CADPS2: variants seen among roughly 807,000 people sequenced by gnomAD.
CADPS2 encodes the protein calcium-dependent secretion activator 2.
CADPS2 carries 93 observed loss-of-function variants against 172.5 expected under a neutral mutation model. The observed-to-expected ratio is 0.54, with a 90% CI of 0.46 to 0.64. CADPS2 has a LOEUF of 0.64. Among genes scored for constraint, CADPS2 ranks in the 30% least tolerant of loss-of-function variants. The probability of loss-of-function intolerance (pLI) is 0.00; values close to 1 mark genes in which losing one functional copy is unlikely to be tolerated. For missense variants in CADPS2, 1,420 were observed against 1,565.9 expected (o/e 0.91, Z 1.57); for synonymous variants, 546 against 555.2 (o/e 0.98, Z 0.23).
rs1415580723 is a variant in CADPS2 at position 122,886,355 on chromosome 7, GC to G, written c.-19del. The stretch of plus-strand genomic sequence containing the variant: ...TCCAGCATGGTGCTCGGGGATCCCC[GC>G]CGCTCGGCCCGCGGTCCCCAAGCGC... On this transcript the variant is annotated 5_prime_UTR_variant, in exon 1 of 30. Coordinates refer to ENST00000449022, the MANE Select transcript of CADPS2 (RefSeq NM_017954.11). 1 of 1,489,066 alleles carries G rather than the reference GC, an allele frequency of 6.7e-7. No homozygotes were observed. Among genetic ancestry groups the G allele is most frequent in the Admixed American group, 2.3e-5 (1 of 43,806 alleles). 92.2% of individuals were successfully genotyped at this position (1,489,066 alleles called of 1,614,324 possible).
chr7:122,324,487 C>T (rs2033392691), intron 29 of CADPS2, among the ~76,000 whole-genome samples: 1 of 152,080 alleles, frequency 6.6e-6, no homozygotes, highest in Admixed American at 6.5e-5. Flanking sequence ...GGGTTCCACC[C>T]TCGGAATTTC....
intron 6 of CADPS2, among the ~76,000 whole-genome samples, chr7:122,602,198 A>G (rs902251248): frequency 1.5e-4 from 9 of 61,364 alleles, no homozygotes; most frequent in African/African-American, 7.9e-4. Context: ...AAATTAAGGA[A>G]AAAAAAAAAG....
At chr7:122,336,871 T>C (rs900300083) in intron 28 of CADPS2, among the ~76,000 whole-genome samples, 1 of 152,210 alleles carries the variant, frequency 6.6e-6, no homozygotes, top group African/African-American at 2.4e-5. Context: ...ATTTCTTTTT[T>C]TAATTCTGAG....
At chr7:122,879,048 C>T (rs1301594002) in intron 1 of CADPS2, among the ~76,000 whole-genome samples, 1 of 151,874 alleles carries the variant, frequency 6.6e-6, no homozygotes, top group Non-Finnish European at 1.5e-5. Flanking sequence ...CCAGCCTGGC[C>T]AACATGGAAA....
intron 8 of CADPS2, among the ~76,000 whole-genome samples, chr7:122,544,501 G>C (rs576339282): frequency 1.3e-5 from 2 of 152,186 alleles, no homozygotes; most frequent in South Asian, 4.2e-4. Context: ...CCTGAGCTGG[G>C]CAGGCCATGA....
intron 9 of CADPS2, among the ~76,000 whole-genome samples, chr7:122,498,686 T>C (rs1775670134): frequency 6.6e-6 from 1 of 152,182 alleles, no homozygotes; most frequent in African/African-American, 2.4e-5. Flanking sequence ...TTTTGAAGTT[T>C]TGGAAGTTCT....
At chr7:122,670,770 G>A (rs2081747088) in intron 2 of CADPS2, among the ~76,000 whole-genome samples, 1 of 151,622 alleles carries the variant, frequency 6.6e-6, no homozygotes, top group Admixed American at 6.6e-5. Context: ...CAAAGTGCTG[G>A]GATTACAGGT....
At chr7:122,850,564 A>G (rs1813287402) in intron 1 of CADPS2, among the ~76,000 whole-genome samples, 1 of 152,154 alleles carries the variant, frequency 6.6e-6, no homozygotes, top group Non-Finnish European at 1.5e-5. Flanking sequence ...GTGCTTAAGC[A>G]GAAGTATTAA....
chr7:122,508,449 G>GTTTTTTTTTT (rs1205155217), intron 9 of CADPS2, among the ~76,000 whole-genome samples: 17 of 68,418 alleles, frequency 2.5e-4, no homozygotes, highest in Non-Finnish European at 3.6e-4. Flanking sequence ...ATTCATTTAA[G>GTTTTTTTTTT]TTTTTTTTTT....
chr7:122,478,482 T>C (rs1020392977), intron 12 of CADPS2, among the ~76,000 whole-genome samples: 2 of 152,214 alleles, frequency 1.3e-5, no homozygotes, highest in Non-Finnish European at 2.9e-5. Flanking sequence ...TAGGTGGTAC[T>C]GTCACCAGGT....
rs546142395 is a variant in CADPS2 at position 122,589,585 on chromosome 7, G to A, written c.1224-8295C>T. Among the ~76,000 whole-genome samples, 12 of 151,952 alleles carry A rather than the reference G, an allele frequency of 7.9e-5. 1 individual carries two copies. The highest frequency in any genetic ancestry group is 7.2e-4 in the Admixed American group (11 of 15,210). On this transcript the variant is annotated intron_variant, in intron 6 of 29. Transcript: ENST00000449022. Reference sequence around the variant, plus strand: ...AGCCAAAGACTCAGTGAAAAATGACGAAGATAAGTAAGTTTTCATGGGAAC... The same window carrying A: ...AGCCAAAGACTCAGTGAAAAATGACAAAGATAAGTAAGTTTTCATGGGAAC...
At chr7:122,450,521 C>CTTTTT (rs11422329) in intron 15 of CADPS2, among the ~76,000 whole-genome samples, 6 of 79,130 alleles carry the variant, frequency 7.6e-5, no homozygotes, top group East Asian at 4.3e-4. Flanking sequence ...TATTGGTGGC[C>CTTTTT]TTTTTTTTTT....
intron 6 of CADPS2, among the ~76,000 whole-genome samples, chr7:122,605,294 C>T (rs2073363177): frequency 6.6e-6 from 1 of 151,976 alleles, no homozygotes; most frequent in African/African-American, 2.4e-5. Context: ...TTAGGCTACA[C>T]TGAACTAGTA....
At position 122,438,428 on chromosome 7, in the gene CADPS2, C is replaced by T. The variant is rs1457374059; in HGVS notation, c.2389G>A (p.Glu797Lys). ...TTTCTGACCACTTTCTTCACCTCTT[C>T]TGCTGGTATGGGAGTGGCAATATCT... is the stretch of plus-strand genomic sequence containing the variant. Reference protein sequence around the residue: ...MKDIATPIPAEEVKKVVRKCL... With the variant: ...MKDIATPIPAKEVKKVVRKCL... Residue 797 changes from glutamate to lysine, a missense_variant, in exon 17 of 30, where the codon GAA becomes AAA. Physicochemically the swap from Glu to Lys is moderately conservative, Grantham distance 56 (BLOSUM62 1). Coordinates refer to ENST00000449022, the MANE Select transcript of CADPS2 (RefSeq NM_017954.11). 1 of 1,613,064 alleles carries T rather than the reference C, an allele frequency of 6.2e-7. No individual in the cohort carries two copies. The highest frequency in any genetic ancestry group is 1.7e-5 in the Admixed American group (1 of 59,886).
intron 7 of CADPS2, among the ~76,000 whole-genome samples, chr7:122,566,887 A>G (rs2066543019): frequency 6.6e-6 from 1 of 152,198 alleles, no homozygotes; most frequent in Non-Finnish European, 1.5e-5. Flanking sequence ...CATTAATTGG[A>G]CATACACTGT....
intron 2 of CADPS2, among the ~76,000 whole-genome samples, chr7:122,726,310 T>A (rs1164013240): frequency 2.6e-5 from 4 of 152,016 alleles, no homozygotes; most frequent in African/African-American, 9.7e-5. Flanking sequence ...ACAAAACCAA[T>A]AGTGTACTAG....
At chr7:122,696,547 C>T (rs1272324536) in intron 2 of CADPS2, among the ~76,000 whole-genome samples, 1 of 151,878 alleles carries the variant, frequency 6.6e-6, no homozygotes, top group Non-Finnish European at 1.5e-5. Flanking sequence ...TGCCCTTCTA[C>T]CTGTGTCTGA....
chr7:122,409,152 A>G (rs1182359665), intron 19 of CADPS2, among the ~76,000 whole-genome samples: 1 of 152,196 alleles, frequency 6.6e-6, no homozygotes, highest in Admixed American at 6.5e-5. Flanking sequence ...TAACGTAAAA[A>G]CACACAAAAA....
intron 27 of CADPS2, among the ~76,000 whole-genome samples, chr7:122,348,783 G>GA (rs755634658): frequency 2.2e-4 from 33 of 152,122 alleles, no homozygotes; most frequent in Admixed American, 5.9e-4. Context: ...TTACCAATTA[G>GA]AATTGTAGTT....
Sources: allele counts gnomAD v4.1 joint callset (sites outside exome capture counted in the v4.1 genomes callset), GRCh38; gene constraint gnomAD v4.1.1; transcripts MANE v1.5; gene names NCBI Gene and HGNC (gene_info 2026-07-23, HGNC 2026-07-21).